Variants in SHLD2 observed in about 807,000 individuals in gnomAD.
SHLD2 encodes RINN1-REV7-interacting novel NHEJ regulator 2.
A neutral mutation model predicts 73.2 loss-of-function variants in SHLD2; 30 were observed. That is an observed-to-expected ratio of 0.41 (90% CI 0.31 to 0.56). SHLD2 has a LOEUF of 0.56. Ranked by LOEUF, SHLD2 falls within the 20% of genes least tolerant of loss-of-function variation. SHLD2 has a pLI of 0.28. For missense variants in SHLD2, 745 were observed against 1,055.9 expected, an observed-to-expected ratio of 0.71 and a Z score of 4.08; for synonymous variants, 285 against 370.1, an observed-to-expected ratio of 0.77 and a Z score of 2.64.
rs576470288 is a variant in SHLD2, at chr10:87,170,919, G to A, written c.1908G>A (p.Ala636=). The part of the protein sequence containing the change: ...TVEQAQDQHY[A]LVLWGPGAAW... ...AACAGGCCCAAGATCAACATTATGC[G>A]CTTGTATTATGGGGTCCTGGAGCAG... Residue 636 remains alanine (A), a synonymous_variant, in exon 6 of 10, where the codon GCG becomes GCA. Transcript: ENST00000298786. 8.1e-6 allele frequency: 13 copies of A among 1,604,954 alleles called. No individual in the cohort carries two copies. Among genetic ancestry groups the A allele is most frequent in the Admixed American group, 6.7e-5 (4 of 59,682 alleles).
intron 2 of SHLD2, among the ~76,000 whole-genome samples, chr10:87,105,524 C>G (rs770336332): frequency 1.3e-5 from 2 of 152,164 alleles, no homozygotes; most frequent in Non-Finnish European, 2.9e-5. Flanking sequence ...CCTTGACCCT[C>G]GAGTAGCAAT....
chr10:87,099,827 T>G (rs1420897871), intron 2 of SHLD2, among the ~76,000 whole-genome samples: 1 of 152,200 alleles, frequency 6.6e-6, no homozygotes, highest in East Asian at 1.9e-4. Flanking sequence ...ATCATCCTAG[T>G]GGGTATGAAG....
At chr10:87,102,120 A>G (rs1393924084) in intron 2 of SHLD2, among the ~76,000 whole-genome samples, 1 of 152,180 alleles carries the variant, frequency 6.6e-6, no homozygotes, top group South Asian at 2.1e-4. Context: ...TGGACGCACC[A>G]TAATTACTTT....
At chr10:87,107,012 A>G (rs1023814611) in intron 2 of SHLD2, among the ~76,000 whole-genome samples, 3 of 150,462 alleles carry the variant, frequency 2.0e-5, no homozygotes, top group Middle Eastern at 3.4e-3. Context: ...TTGTGATTGC[A>G]TTCTTGGAGG....
intron 2 of SHLD2, among the ~76,000 whole-genome samples, chr10:87,123,635 A>G (rs1271882053): frequency 1.3e-5 from 2 of 152,128 alleles, no homozygotes; most frequent in East Asian, 3.8e-4. Flanking sequence ...TAGAGCTTGT[A>G]TATATGTCTC....
chr10:87,147,371 G>A (rs1226123463), intron 2 of SHLD2, among the ~76,000 whole-genome samples: 1 of 145,854 alleles, frequency 6.9e-6, no homozygotes, highest in African/African-American at 2.5e-5. Context: ...GAGAGAGAGA[G>A]AAATTGGAGA....
rs902095964 is a variant in SHLD2 at position 87,149,025 on chromosome 10, C to G, written c.-5-2325C>G. On this transcript the variant is annotated intron_variant, in intron 2 of 9. Transcript: ENST00000298786. ...GCCTCAGCCTCCCTAGTAGCTGAGACTACAGGCTTGTGCCATCATGCCCTG... is the reference window on the plus strand; with the variant it reads ...GCCTCAGCCTCCCTAGTAGCTGAGAGTACAGGCTTGTGCCATCATGCCCTG... Among the ~76,000 whole-genome samples the G allele has an allele frequency of 5.7e-4, 87 of 151,660 alleles. 1 individual carries two copies. The highest frequency in any genetic ancestry group is 2.1e-3 in the African/African-American group (86 of 41,394).
chr10:87,117,381 T>A lies in SHLD2; in HGVS notation c.-6+20392T>A, dbSNP rs537861601. Among the ~76,000 whole-genome samples, 394 of 152,298 alleles carry A rather than the reference T, an allele frequency of 2.6e-3. 2 individuals are homozygous for A. The highest frequency in any genetic ancestry group is 3.4e-3 in the Middle Eastern group (1 of 294). The stretch of plus-strand genomic sequence containing the variant: ...TTTCGGTGAGCCGAGATTGCACCAT[T>A]GCACTCCAGCCTGGGCAACGAGTGA... On this transcript the variant is annotated intron_variant, in intron 2 of 9. Transcript: ENST00000298786.
intron 4 of SHLD2, among the ~76,000 whole-genome samples, chr10:87,163,443 A>G (rs959809202): frequency 1.9e-4 from 29 of 152,220 alleles, no homozygotes; most frequent in African/African-American, 7.0e-4. Context: ...TTACAAGTGA[A>G]CCTAATATTG....
chr10:87,153,680 C>T lies in SHLD2; in HGVS notation c.1525+801C>T, dbSNP rs548069214. Among the ~76,000 whole-genome samples, 83 of 152,116 alleles carry T rather than the reference C, an allele frequency of 5.5e-4. No homozygotes were observed. The Middle Eastern group carries it at 0.01, about 19-fold the overall frequency. On this transcript the variant is annotated intron_variant, in intron 3 of 9. Coordinates refer to ENST00000298786, the MANE Select transcript of SHLD2 (RefSeq NM_001330112.2). ...TATTGGGAGCTTAGTTTGTGAGACCCTGTTTTAGATTTTACATGCATATTT... is the reference window on the plus strand; with the variant it reads ...TATTGGGAGCTTAGTTTGTGAGACCTTGTTTTAGATTTTACATGCATATTT...
At chr10:87,178,535 C>T (rs1467537438) in intron 7 of SHLD2, among the ~76,000 whole-genome samples, 2 of 151,246 alleles carry the variant, frequency 1.3e-5, no homozygotes, top group African/African-American at 2.4e-5. Flanking sequence ...GTCAACATGG[C>T]AAATCCCCAT....
intron 2 of SHLD2, among the ~76,000 whole-genome samples, chr10:87,132,024 T>C (rs1844465730): frequency 6.6e-6 from 1 of 152,268 alleles, no homozygotes; most frequent in South Asian, 2.1e-4. Context: ...TTTGGAGGAA[T>C]GTCTGTTTAA....
chr10:87,165,441 T>C (rs1466269106), intron 4 of SHLD2, among the ~76,000 whole-genome samples: 1 of 152,142 alleles, frequency 6.6e-6, no homozygotes, highest in Non-Finnish European at 1.5e-5. Context: ...ATATCACCAG[T>C]AATAAGATGT....
At chr10:87,187,852 A>T (rs1198028029) in intron 9 of SHLD2, among the ~76,000 whole-genome samples, 4 of 152,080 alleles carry the variant, frequency 2.6e-5, no homozygotes, top group African/African-American at 9.7e-5. Flanking sequence ...CCTTTACTGG[A>T]GGTGAGGGGT....
At chr10:87,165,442 AATAAGATG>A (rs899454285) in intron 4 of SHLD2, among the ~76,000 whole-genome samples, 83 of 152,352 alleles carry the variant, frequency 5.4e-4, no homozygotes, top group African/African-American at 1.8e-3. Flanking sequence ...TATCACCAGT[AATAAGATG>A]TATGGTATCA....
At chr10:87,121,956 G>T (rs1316067607) in intron 2 of SHLD2, among the ~76,000 whole-genome samples, 2 of 151,392 alleles carry the variant, frequency 1.3e-5, no homozygotes, top group African/African-American at 4.9e-5. Context: ...GTAGAGATGG[G>T]GTTTCGCCAT....
intron 1 of SHLD2, among the ~76,000 whole-genome samples, chr10:87,095,536 C>T (rs1841780591): frequency 6.6e-6 from 1 of 152,288 alleles, no homozygotes; most frequent in Middle Eastern, 3.4e-3. Context: ...GCAGAGCCGC[C>T]GCCGCGTAAG....
chr10:87,158,204 A>T (rs1846572852), intron 4 of SHLD2, 49 bp downstream of exon 4: 1 of 1,571,890 alleles, frequency 6.4e-7, no homozygotes. Context: ...AAAGTATAAA[A>T]ACATACTAGG....
intron 2 of SHLD2, among the ~76,000 whole-genome samples, chr10:87,134,417 C>A (rs1054132462): frequency 6.6e-6 from 1 of 152,168 alleles, no homozygotes; most frequent in Non-Finnish European, 1.5e-5. Context: ...AAACCAGCCA[C>A]ATTTTTTTAA....
Sources: allele counts gnomAD v4.1 joint callset (sites outside exome capture counted in the v4.1 genomes callset), GRCh38; gene constraint gnomAD v4.1.1; transcripts MANE v1.5; gene names NCBI Gene and HGNC (gene_info 2026-07-23, HGNC 2026-07-21).